The following FAM20A variants were observed in gnomAD, a reference collection of about 807,000 sequenced individuals.
FAM20A encodes the protein FAM20A golgi associated secretory pathway pseudokinase.
A neutral mutation model predicts 52.0 loss-of-function variants in FAM20A; 42 were observed. The observed-to-expected ratio is 0.81, with a 90% CI of 0.63 to 1.04. The LOEUF is 1.04. Among genes scored for constraint, FAM20A ranks in the 50% least tolerant of loss-of-function variants. The pLI is 0.00. For missense variants in FAM20A, 742 were observed against 712.7 expected (o/e 1.04, Z -0.47); for synonymous variants, 304 against 298.9 (o/e 1.02, Z -0.18).
chr17:68,586,298 T>C (rs1485362387), intron 1 of FAM20A, among the ~76,000 whole-genome samples: 2 of 152,226 alleles, frequency 1.3e-5, no homozygotes, highest in Non-Finnish European at 2.9e-5. Context: ...TTAAATTTTT[T>C]TTACAAGAGT....
At chr17:68,588,910 G>A (rs2088230025) in intron 1 of FAM20A, among the ~76,000 whole-genome samples, 1 of 152,220 alleles carries the variant, frequency 6.6e-6, no homozygotes, top group Non-Finnish European at 1.5e-5. Context: ...ACCACTATCA[G>A]CTGTCTGCCC....
At chr17:68,568,815 TCTTAA>T (rs1267268791) in intron 1 of FAM20A, among the ~76,000 whole-genome samples, 1 of 151,854 alleles carries the variant, frequency 6.6e-6, no homozygotes, top group East Asian at 1.9e-4. Context: ...ATCTCAAGAT[TCTTAA>T]CTTAATCATA....
At chr17:68,583,056 T>C (rs191628975) in intron 1 of FAM20A, among the ~76,000 whole-genome samples, 4 of 151,810 alleles carry the variant, frequency 2.6e-5, no homozygotes, top group African/African-American at 7.3e-5. Flanking sequence ...TCCGCCCACC[T>C]CGGCCTCCGA....
At position 68,537,268 on chromosome 17, in the gene FAM20A, G is replaced by A. The variant is rs2086120794; in HGVS notation, c.*209C>T. On this transcript the variant is annotated 3_prime_UTR_variant, in exon 11 of 11. Transcript: ENST00000592554. The surrounding 1 kb of genome is among the most constrained non-coding windows in gnomAD (Gnocchi z 4.2). ...GAAGCCAGTGCTTTTTGGGAAAAAC[G>A]GAGCAAGGCAACGCACGACAGAAGC... The A allele has an allele frequency of 2.8e-6, 2 of 725,960 alleles. No individual in the cohort carries two copies. The highest frequency in any genetic ancestry group is 2.8e-5 in the East Asian group (1 of 36,038). 45.0% of individuals were successfully genotyped at this position (725,960 alleles called of 1,614,324 possible). A position where few individuals can be genotyped will look rare whatever the true frequency, so the allele number is the denominator to read the frequency against.
rs146108222 is a variant in FAM20A, at chr17:68,555,783, T to A, written c.405-40A>T. On this transcript the variant is annotated intron_variant, in intron 1 of 10. Transcript: ENST00000592554. ...TAGTTGTTCATTAGAGGAACAAGAA[T>A]GCAAAGACCCACCAAGATACCTTGT... 2.4e-4 allele frequency: 380 copies of A among 1,608,888 alleles called. No homozygotes were observed. In the African/African-American group the frequency reaches 4.1e-3, roughly 18 times the overall value.
chr17:68,591,180 A>C (rs528470606), intron 1 of FAM20A, among the ~76,000 whole-genome samples: 2 of 152,096 alleles, frequency 1.3e-5, no homozygotes, highest in East Asian at 1.9e-4. Flanking sequence ...GATCTCGGCT[A>C]ACTGCAAGCT....
intron 10 of FAM20A, 79 bp downstream of exon 10, chr17:68,539,250 ACTGGAAGC>A: frequency 7.4e-7 from 1 of 1,357,346 alleles, no homozygotes; most frequent in Non-Finnish European, 1.1e-6. Context: ...ACCAGTGAAA[ACTGGAAGC>A]CCTTCAGACC....
Position 68,537,791 on chromosome 17 carries a change from A to T in FAM20A, c.1362-50T>A, listed in dbSNP as rs1472282359. 2 of 1,559,940 alleles carry T rather than the reference A, an allele frequency of 1.3e-6. No homozygotes were observed. The highest frequency in any genetic ancestry group is 2.7e-5 in the African/African-American group (2 of 73,458). ...CAAATAAGCAAATGTAAAGAAAATA[A>T]CTTGCCTGAACTTCTTTCCCCACAA... On this transcript the variant is annotated intron_variant, in intron 10 of 10. Coordinates refer to ENST00000592554, the MANE Select transcript of FAM20A (RefSeq NM_017565.4). The surrounding 1 kb of genome is among the most constrained non-coding windows in gnomAD (Gnocchi z 4.2).
chr17:68,581,427 CT>C (rs1437844489), intron 1 of FAM20A, among the ~76,000 whole-genome samples: 1 of 95,868 alleles, frequency 1.0e-5, no homozygotes, highest in Non-Finnish European at 2.1e-5. Flanking sequence ...TTTCTCTTTT[CT>C]TTCTTTCTTT....
chr17:68,577,060 T>C (rs2087791629), intron 1 of FAM20A, among the ~76,000 whole-genome samples: 1 of 152,194 alleles, frequency 6.6e-6, no homozygotes, highest in Non-Finnish European at 1.5e-5. Context: ...TTTCCCAGAT[T>C]CTTGTTTTGG....
chr17:68,556,866 T>A (rs2087066239), intron 1 of FAM20A, among the ~76,000 whole-genome samples: 1 of 152,058 alleles, frequency 6.6e-6, no homozygotes, highest in South Asian at 2.1e-4. Context: ...ATAGTATACC[T>A]TGGGTCTGGG....
At chr17:68,543,547 C>A (rs1323650732) in intron 5 of FAM20A, 82 bp downstream of exon 5, 36 of 1,236,520 alleles carry the variant, frequency 2.9e-5, no homozygotes, top group Non-Finnish European at 3.8e-5. Context: ...CAGGGAGTTC[C>A]CACCTTGAGG....
Position 68,558,386 on chromosome 17 carries a change from C to G in FAM20A, c.405-2643G>C, listed in dbSNP as rs111571394. ...CAAATCTCATGTTGAAATGTAGTCC[C>G]CAGTGTTGAAGGTGGGGCCTGGTGG... On this transcript the variant is annotated intron_variant, in intron 1 of 10. Coordinates refer to ENST00000592554, the MANE Select transcript of FAM20A (RefSeq NM_017565.4). The G allele has an allele frequency of 3.4e-3, 1,490 of 434,684 alleles. 20 individuals are homozygous for G. The highest frequency in any genetic ancestry group is 0.024 in the African/African-American group (1,170 of 49,362). 26.9% of individuals were successfully genotyped at this position (434,684 alleles called of 1,614,324 possible). A position where few individuals can be genotyped will look rare whatever the true frequency, so the allele number is the denominator to read the frequency against.
At chr17:68,546,816 C>T (rs117683105) in intron 4 of FAM20A, among the ~76,000 whole-genome samples, 4,575 of 124,826 alleles carry the variant, frequency 0.037, 107 homozygotes, top group Middle Eastern at 0.084. Flanking sequence ...GGCGAGAGTG[C>T]GAGACTACGG....
chr17:68,539,932 G>A lies in FAM20A; in HGVS notation c.1254C>T (p.Thr418=), dbSNP rs201353693. ...NMDRHHYEMF[T]KFGDDGFLIH... ...TAAGGAACCCATCATCCCCGAACTT[G>A]GTGAACATCTCATAATGGTGCCGGT... Residue 418 remains threonine, a synonymous_variant, in exon 9 of 11, where the codon ACC becomes ACT. Transcript: ENST00000592554. 1.9e-6 allele frequency: 3 copies of A among 1,614,198 alleles called. No individual in the cohort carries two copies. The highest frequency in any genetic ancestry group is 2.5e-6 in the Non-Finnish European group (3 of 1,180,038).
chr17:68,573,434 C>CTCTT (rs201984571), intron 1 of FAM20A, among the ~76,000 whole-genome samples: 246 of 135,736 alleles, frequency 1.8e-3, no homozygotes, highest in Admixed American at 2.8e-3. Flanking sequence ...TCTTTCCTTT[C>CTCTT]TCTTTCTTTC....
In FAM20A at chr17:68,564,989, G is replaced by A. The variant is rs535370398; in HGVS notation, c.405-9246C>T. On this transcript the variant is annotated intron_variant, in intron 1 of 10. Coordinates refer to ENST00000592554, the MANE Select transcript of FAM20A (RefSeq NM_017565.4). ...CCATGCTCCTAGTCACTAACCACAC[G>A]GCTTCAGGTCTGAAAATCTTCCCCA... Among the ~76,000 whole-genome samples, 343 of 152,172 alleles carry A rather than the reference G, an allele frequency of 2.3e-3. 1 individual carries two copies. The highest frequency in any genetic ancestry group is 4.1e-3 in the Non-Finnish European group (280 of 67,994).
intron 7 of FAM20A, chr17:68,541,508 T>G: frequency 5.3e-6 from 1 of 187,964 alleles, no homozygotes; most frequent in Non-Finnish European, 1.1e-5. Context: ...GATGGATCGA[T>G]TCACTCAGTC....
chr17:68,573,520 T>TTTCC (rs756836763), intron 1 of FAM20A, among the ~76,000 whole-genome samples: 5 of 150,896 alleles, frequency 3.3e-5, no homozygotes. Context: ...CTTTTCCTTC[T>TTTCC]TTCCTTCCTT....
Sources: allele counts gnomAD v4.1 joint callset (sites outside exome capture counted in the v4.1 genomes callset), GRCh38; gene constraint gnomAD v4.1.1; non-coding constraint Gnocchi (gnomAD v3.1); transcripts MANE v1.5; gene names NCBI Gene and HGNC (gene_info 2026-07-23, HGNC 2026-07-21).